The following DPH5 variants were observed in gnomAD, a reference collection of about 807,000 sequenced individuals.
DPH5 encodes the protein diphthamide biosynthesis 5, also known as diphthine methyl ester synthase.
Under a neutral mutation model 31.6 loss-of-function variants are expected in DPH5, and 31 were observed. The observed-to-expected ratio is 0.98, with a 90% CI of 0.74 to 1.32. The LOEUF is 1.32. Ranked by LOEUF, DPH5 falls within the 40% of genes most tolerant of loss-of-function variation. The pLI is 0.00. For synonymous variants in DPH5, 120 were observed against 115.0 expected (o/e 1.04, Z -0.28); for missense variants, 309 against 335.7 (o/e 0.92, Z 0.62).
At chr1:101,012,537 C>T (rs1379667770) in intron 4 of DPH5, among the ~76,000 whole-genome samples, 2 of 152,168 alleles carry the variant, frequency 1.3e-5, no homozygotes, top group Non-Finnish European at 2.9e-5. Flanking sequence ...ATCCCTATAG[C>T]ATTCTTTGTA....
intron 2 of DPH5, among the ~76,000 whole-genome samples, chr1:101,024,089 GA>G (rs915113435): frequency 6.6e-6 from 1 of 151,098 alleles, no homozygotes. Flanking sequence ...GAAAAAATGA[GA>G]AAAAAAAATG....
intron 3 of DPH5, 96 bp from the exon 4 acceptor site, chr1:101,013,914 A>T: frequency 1.1e-5 from 10 of 892,516 alleles, no homozygotes; most frequent in Non-Finnish European, 1.7e-5. Flanking sequence ...AAGAGGCAGG[A>T]GCACTGCCTT....
At position 101,001,263 on chromosome 1, in the gene DPH5, G is replaced by C. The variant is rs190042038; in HGVS notation, c.490+204C>G. On this transcript the variant is annotated intron_variant, in intron 5 of 7. Coordinates refer to ENST00000370109, the MANE Select transcript of DPH5 (RefSeq NM_015958.3). ...AGAGGGAGCAGTGTAACTATGGTGTGTATGCAGAAATAGCCATGTGGTACT... is the reference window on the plus strand; with the variant it reads ...AGAGGGAGCAGTGTAACTATGGTGTCTATGCAGAAATAGCCATGTGGTACT... 1.2e-3 allele frequency among the ~76,000 whole-genome samples: 180 copies of C among 152,312 alleles called. 1 individual carries two copies. The highest frequency in any genetic ancestry group is 4.2e-3 in the African/African-American group (175 of 41,558).
chr1:100,992,097 CAA>C (rs746311294), intron 7 of DPH5, among the ~76,000 whole-genome samples: 45 of 120,226 alleles, frequency 3.7e-4, no homozygotes, highest in Non-Finnish European at 3.9e-4. Flanking sequence ...GACCCTCTCT[CAA>C]AAAAAAAAAA....
intron 4 of DPH5, among the ~76,000 whole-genome samples, chr1:101,013,280 A>G (rs1051724942): frequency 6.6e-6 from 1 of 152,200 alleles, no homozygotes; most frequent in Non-Finnish European, 1.5e-5. Context: ...TTACACATCA[A>G]TAACTGCAAA....
chr1:101,002,083 A>G (rs1356458589), intron 4 of DPH5, among the ~76,000 whole-genome samples: 1 of 152,188 alleles, frequency 6.6e-6, no homozygotes, highest in African/African-American at 2.4e-5. Context: ...CCATCACACT[A>G]TCTCAAGAAA....
At chr1:101,005,401 G>T (rs1390052912) in intron 4 of DPH5, among the ~76,000 whole-genome samples, 1 of 152,156 alleles carries the variant, frequency 6.6e-6, no homozygotes, top group Admixed American at 6.5e-5. Flanking sequence ...CTTCTATACA[G>T]AATACTGTTC....
At chr1:100,993,697 A>G (rs1658051946) in intron 6 of DPH5, among the ~76,000 whole-genome samples, 1 of 150,222 alleles carries the variant, frequency 6.7e-6, no homozygotes, top group Admixed American at 6.7e-5. Context: ...GAAGCCATAT[A>G]TAGAATCAAG....
chr1:100,993,559 A>AATATAAATATATATATATAT (rs1553247258), intron 6 of DPH5, among the ~76,000 whole-genome samples: 2 of 56,534 alleles, frequency 3.5e-5, no homozygotes, highest in African/African-American at 1.2e-4. Flanking sequence ...CGAAAATATA[A>AATATAAATATATATATATAT]ATATATATAT....
At chr1:100,999,757 T>G (rs1658700205) in intron 5 of DPH5, among the ~76,000 whole-genome samples, 1 of 151,874 alleles carries the variant, frequency 6.6e-6, no homozygotes, top group Admixed American at 6.6e-5. Flanking sequence ...GAGAATCGCT[T>G]GAACCTGGGA....
intron 6 of DPH5, among the ~76,000 whole-genome samples, chr1:100,993,060 G>T (rs148791666): frequency 6.6e-5 from 10 of 152,140 alleles, no homozygotes; most frequent in Admixed American, 1.3e-4. Context: ...TGGCAATTTG[G>T]TCTATACTCT....
intron 4 of DPH5, among the ~76,000 whole-genome samples, chr1:101,003,694 T>C (rs927387030): frequency 2.6e-5 from 4 of 152,208 alleles, no homozygotes; most frequent in African/African-American, 9.6e-5. Flanking sequence ...ATAATGATAA[T>C]GTTTTAATAA....
intron 4 of DPH5, among the ~76,000 whole-genome samples, chr1:101,004,131 C>T (rs932742577): frequency 6.6e-5 from 10 of 152,140 alleles, no homozygotes; most frequent in Admixed American, 1.3e-4. Context: ...TAAAGAAAAC[C>T]TCACACAAGC....
intron 4 of DPH5, chr1:101,013,500 TAAATCTA>T (rs1659844786): frequency 2.5e-6 from 1 of 396,714 alleles, no homozygotes; most frequent in Non-Finnish European, 4.5e-6. Flanking sequence ...ATTTTCTAGC[TAAATCTA>T]AACATTCGAT....
intron 7 of DPH5, among the ~76,000 whole-genome samples, chr1:100,991,370 C>T (rs2101130526): frequency 1.3e-5 from 2 of 152,208 alleles, no homozygotes; most frequent in Middle Eastern, 6.8e-3. Context: ...ATGGTTTATC[C>T]AAGGACAAAC....
At chr1:101,018,593 G>A (rs1660246034) in intron 3 of DPH5, among the ~76,000 whole-genome samples, 1 of 152,138 alleles carries the variant, frequency 6.6e-6, no homozygotes, top group African/African-American at 2.4e-5. Context: ...AGTGTGGCTG[G>A]TGGGCCAGAA....
At chr1:100,997,527 G>A (rs564206461) in intron 5 of DPH5, among the ~76,000 whole-genome samples, 15 of 136,166 alleles carry the variant, frequency 1.1e-4, no homozygotes, top group Admixed American at 2.2e-4. Flanking sequence ...CACCACGCCC[G>A]GCTAATTTTT....
rs2101125984 is a variant in DPH5, at chr1:100,990,340, G to A, written c.*68C>T. 3 of 1,421,674 alleles carry A rather than the reference G, an allele frequency of 2.1e-6. No homozygotes were observed. The East Asian group carries it at 6.9e-5, about 32-fold the overall frequency. The allele number at this position is 1,421,674 out of a possible 1,614,324, so 88.1% of individuals were successfully genotyped here. A position where few individuals can be genotyped will look rare whatever the true frequency, so the allele number is the denominator to read the frequency against. The stretch of plus-strand genomic sequence containing the variant: ...AAATTCAAGATGAGACTTGGGTGGG[G>A]ATACATCCAAACCATATCAATCCAT... On this transcript the variant is annotated 3_prime_UTR_variant, in exon 8 of 8. Transcript: ENST00000370109.
At chr1:100,995,175 T>C (rs1658235095) in intron 5 of DPH5, 26 bp from the exon 6 acceptor site, 3 of 1,503,070 alleles carry the variant, frequency 2.0e-6, no homozygotes, top group Non-Finnish European at 2.8e-6. Flanking sequence ...ATAGTTCTTT[T>C]AATTTAATTA....
Sources: allele counts gnomAD v4.1 joint callset (sites outside exome capture counted in the v4.1 genomes callset), GRCh38; gene constraint gnomAD v4.1.1; transcripts MANE v1.5; gene names NCBI Gene and HGNC (gene_info 2026-07-23, HGNC 2026-07-21).